The following VAV2 variants were observed in gnomAD, a reference collection of about 807,000 sequenced individuals.
VAV2 encodes the protein vav guanine nucleotide exchange factor 2, also known as guanine nucleotide exchange factor VAV2.
VAV2 carries 67 observed loss-of-function variants against 132.5 expected under a neutral mutation model. That is an observed-to-expected ratio of 0.51 (90% CI 0.42 to 0.62). The LOEUF (loss-of-function observed/expected upper bound fraction) is 0.62, where lower values mean the gene tolerates loss of function less well. Ranked by LOEUF, VAV2 falls within the 20% of genes least tolerant of loss-of-function variation. The pLI is 0.00. For missense variants in VAV2, 938 were observed against 1,153.6 expected, an observed-to-expected ratio of 0.81 and a Z score of 2.71; for synonymous variants, 492 against 443.5, an observed-to-expected ratio of 1.11 and a Z score of -1.37.
intron 1 of VAV2, among the ~76,000 whole-genome samples, chr9:133,962,263 G>A (rs901869476): frequency 6.6e-6 from 1 of 152,152 alleles, no homozygotes; most frequent in Non-Finnish European, 1.5e-5. Context: ...CTGAAGGCAG[G>A]AGGGAGATGC....
chr9:133,763,932 T>C lies in VAV2; in HGVS notation c.*130A>G. On this transcript the variant is annotated 3_prime_UTR_variant, in exon 30 of 30. Transcript: ENST00000371850. The surrounding 1 kb of genome is among the most constrained non-coding windows in gnomAD (Gnocchi z 6.8). The stretch of plus-strand genomic sequence containing the variant: ...AGTTTAGGATTCTCAACACCCTCCC[T>C]ATCCCTGTGGGCAGTGGAAGACTGG... 3.6e-6 allele frequency: 4 copies of C among 1,122,604 alleles called. No individual in the cohort carries two copies. Among genetic ancestry groups the C allele is most frequent in the African/African-American group, 1.5e-5 (1 of 65,160 alleles). 69.5% of individuals were successfully genotyped at this position (1,122,604 alleles called of 1,614,324 possible). A position where few individuals can be genotyped will look rare whatever the true frequency, so the allele number is the denominator to read the frequency against.
chr9:133,796,476 G>C lies in VAV2; in HGVS notation c.985C>G (p.Leu329Val). Residue 329 changes from leucine (L) to valine (V), a missense_variant, in exon 11 of 30, where the codon CTG (leucine) becomes GTG (valine). Leu to Val is a conservative substitution (Grantham distance 32). Transcript: ENST00000371850. The stretch of plus-strand genomic sequence containing the variant: ...AGCACCCTCTGCATGGGGACCACCA[G>C]CAGGTCTTGCAGCTTAAATTTTCCA... ...QDGKFKLQDL[L>V]VVPMQRVLKY... 6.2e-7 allele frequency: 1 copy of C among 1,613,876 alleles called. No homozygotes were observed. The highest frequency in any genetic ancestry group is 8.5e-7 in the Non-Finnish European group (1 of 1,179,950).
At chr9:133,810,077 T>G in intron 6 of VAV2, 114 bp downstream of exon 6, 2 of 1,477,050 alleles carry the variant, frequency 1.4e-6, no homozygotes, top group Non-Finnish European at 1.8e-6. Flanking sequence ...TGCCTGACCA[T>G]GTCTTCCTGG....
At chr9:133,963,523 G>A (rs1007066999) in intron 1 of VAV2, among the ~76,000 whole-genome samples, 1 of 152,230 alleles carries the variant, frequency 6.6e-6, no homozygotes, top group Non-Finnish European at 1.5e-5. Context: ...AGCTCTCAGG[G>A]TGGCTATCCC....
chr9:133,904,027 A>T (rs552143330), intron 2 of VAV2, among the ~76,000 whole-genome samples: 1 of 152,368 alleles, frequency 6.6e-6, no homozygotes, highest in African/African-American at 2.4e-5. Flanking sequence ...TTATAAAATC[A>T]TGTTGACCAA....
intron 1 of VAV2, among the ~76,000 whole-genome samples, chr9:133,983,908 A>G (rs1336534448): frequency 6.6e-6 from 1 of 151,736 alleles, no homozygotes; most frequent in Non-Finnish European, 1.5e-5. Context: ...GGCTTTTCAG[A>G]TATTTTTCCT....
rs555747934 is a variant in VAV2, at chr9:133,794,091, C to T, written c.1101+1577G>A. 6.6e-4 allele frequency among the ~76,000 whole-genome samples: 101 copies of T among 152,196 alleles called. No homozygotes were observed. The highest frequency in any genetic ancestry group is 2.1e-3 in the African/African-American group (88 of 41,520). On this transcript the variant is annotated intron_variant, in intron 12 of 29. Coordinates refer to ENST00000371850, the MANE Select transcript of VAV2 (RefSeq NM_001134398.2). This position sits in a 1 kb window ranked among gnomAD's most constrained non-coding sequence, Gnocchi z 4.6. ...TCAGAGCCACTCGCCAGCCAGACAC[C>T]GAGTGCTGAGAGTATGAAACGCAAG...
At chr9:133,843,306 G>A (rs879387046) in intron 3 of VAV2, among the ~76,000 whole-genome samples, 12 of 152,202 alleles carry the variant, frequency 7.9e-5, no homozygotes, top group Admixed American at 2.0e-4. Context: ...CGCAGGTGGC[G>A]GCAAGGGAGC....
Position 133,969,204 on chromosome 9 carries a change from C to A in VAV2, c.204+22871G>T, listed in dbSNP as rs1179118694. On this transcript the variant is annotated intron_variant, in intron 1 of 29. Coordinates refer to ENST00000371850, the MANE Select transcript of VAV2 (RefSeq NM_001134398.2). This position sits in a 1 kb window ranked among gnomAD's most constrained non-coding sequence, Gnocchi z 5.1. ...GCTGGATTCCACCGTGCCCGCCGGG[C>A]CTGCGAGGACGAGCCTCTGCACCTG... is the stretch of plus-strand genomic sequence containing the variant. Among the ~76,000 whole-genome samples, 2 of 151,938 alleles carry A rather than the reference C, an allele frequency of 1.3e-5. No homozygotes were observed. Among genetic ancestry groups the A allele is most frequent in the Admixed American group, 6.6e-5 (1 of 15,264 alleles).
chr9:133,946,689 G>A (rs1023701667), intron 1 of VAV2, among the ~76,000 whole-genome samples: 1 of 152,202 alleles, frequency 6.6e-6, no homozygotes. Flanking sequence ...AGCTCTGACT[G>A]GCAGCTGAGG....
At position 133,835,749 on chromosome 9, in the gene VAV2, G is replaced by A. The variant is rs1228762162; in HGVS notation, c.381-1409C>T. On this transcript the variant is annotated intron_variant, in intron 3 of 29. Coordinates refer to ENST00000371850, the MANE Select transcript of VAV2 (RefSeq NM_001134398.2). ...GGCAGCCCCGCCCCAACCGGAGGCCGGGGACCTGTGCTCCTGCGGGAGGGC... is the reference window on the plus strand; with the variant it reads ...GGCAGCCCCGCCCCAACCGGAGGCCAGGGACCTGTGCTCCTGCGGGAGGGC... Among the ~76,000 whole-genome samples the A allele has an allele frequency of 1.2e-4, 18 of 152,300 alleles. No homozygotes were observed. In the South Asian group the frequency reaches 3.3e-3, roughly 28 times the overall value.
At chr9:133,861,197 C>G in intron 3 of VAV2, 177 bp downstream of exon 3, 1 of 604,998 alleles carries the variant, frequency 1.7e-6, no homozygotes, top group Non-Finnish European at 2.7e-6. Flanking sequence ...TGAAGCCTCC[C>G]GCCCCCCACA....
intron 12 of VAV2, among the ~76,000 whole-genome samples, chr9:133,793,357 TC>T (rs959426672): frequency 2.6e-5 from 4 of 151,678 alleles, no homozygotes; most frequent in Non-Finnish European, 4.4e-5. Context: ...TTCAGCAGGT[TC>T]CCATCCCTCC....
intron 1 of VAV2, among the ~76,000 whole-genome samples, chr9:133,946,053 G>C (rs553482971): frequency 2.0e-4 from 30 of 152,384 alleles, no homozygotes; most frequent in African/African-American, 7.2e-4. Flanking sequence ...AGTCCCCTGA[G>C]ACATTGGTCA....
Position 133,852,716 on chromosome 9 carries a change from C to T in VAV2, c.380+8658G>A, listed in dbSNP as rs533474850. On this transcript the variant is annotated intron_variant, in intron 3 of 29. Transcript: ENST00000371850. ...AGAGGGAGCTCATCTACACCAGCCA[C>T]GCAGTAAACAGCCAGTTACTGTATT... Among the ~76,000 whole-genome samples, 611 of 152,328 alleles carry T rather than the reference C, an allele frequency of 4.0e-3. 1 individual carries two copies. Among genetic ancestry groups the T allele is most frequent in the African/African-American group, 0.014 (581 of 41,568 alleles).
intron 13 of VAV2, among the ~76,000 whole-genome samples, chr9:133,790,524 A>G (rs1264383405): frequency 6.6e-6 from 1 of 152,188 alleles, no homozygotes; most frequent in Non-Finnish European, 1.5e-5. Context: ...AAAAACTTAA[A>G]AAACAAAACA....
rs992390881 is a variant in VAV2, at chr9:133,982,264, G to A, written c.204+9811C>T. 9.0e-5 allele frequency among the ~76,000 whole-genome samples: 13 copies of A among 144,458 alleles called. No homozygotes were observed. The East Asian group carries it at 1.9e-3, about 21-fold the overall frequency. 94.8% of individuals were successfully genotyped at this position (144,458 alleles called of 152,430 possible). On this transcript the variant is annotated intron_variant, in intron 1 of 29. Coordinates refer to ENST00000371850, the MANE Select transcript of VAV2 (RefSeq NM_001134398.2). ...AAGGCCAGGGAGACTCGGCAGGGGC[G>A]ACGGCCGGCCGGCAGGAGGGTGCCT...
intron 2 of VAV2, among the ~76,000 whole-genome samples, chr9:133,933,480 A>C (rs1265626767): frequency 5.7e-5 from 3 of 53,006 alleles, no homozygotes; most frequent in African/African-American, 1.4e-4. Flanking sequence ...TGAATGGATG[A>C]GTGGATGGAT....
chr9:133,866,371 T>G (rs1382115123), intron 2 of VAV2, among the ~76,000 whole-genome samples: 1 of 152,208 alleles, frequency 6.6e-6, no homozygotes, highest in Non-Finnish European at 1.5e-5. Flanking sequence ...TCCCTACGCC[T>G]TCTGCAGAGC....
Sources: allele counts gnomAD v4.1 joint callset (sites outside exome capture counted in the v4.1 genomes callset), GRCh38; gene constraint gnomAD v4.1.1; non-coding constraint Gnocchi (gnomAD v3.1); transcripts MANE v1.5; gene names NCBI Gene and HGNC (gene_info 2026-07-23, HGNC 2026-07-21).